The following INTS6 variants were observed in gnomAD, a reference collection of about 807,000 sequenced individuals.
INTS6 encodes the protein integrator complex subunit 6.
In INTS6, 16 loss-of-function variants were observed where a neutral mutation model predicts 104.9. The ratio of observed to expected loss-of-function variants is 0.15; its 90% confidence interval spans 0.10 to 0.23. The LOEUF (loss-of-function observed/expected upper bound fraction) is 0.23. Among genes scored for constraint, INTS6 ranks in the 10% least tolerant of loss-of-function variants. The pLI is 1.00. For missense variants in INTS6, 584 were observed against 1,062.8 expected (o/e 0.55, Z 6.26); for synonymous variants, 324 against 358.7 (o/e 0.90, Z 1.09).
chr13:51,395,915 A>G (rs1283697316), intron 4 of INTS6, among the ~76,000 whole-genome samples: 3 of 152,114 alleles, frequency 2.0e-5, no homozygotes, highest in African/African-American at 7.2e-5. Flanking sequence ...CTCCTGCCTC[A>G]GCCTCCCGAG....
At chr13:51,351,007 T>C (rs1011382096), downstream of INTS6, among the ~76,000 whole-genome samples, 2 of 152,200 alleles carry the variant, frequency 1.3e-5, no homozygotes, top group African/African-American at 2.4e-5. Flanking sequence ...TAATATTCCA[T>C]TGTATTGATA....
chr13:51,345,924 C>T, the INTS6 span, among the ~76,000 whole-genome samples: 4 of 152,158 alleles, frequency 2.6e-5, no homozygotes, highest in Non-Finnish European at 4.4e-5. Context: ...GGGTTCAAAT[C>T]CAAGCTTTCC....
intron 15 of INTS6, among the ~76,000 whole-genome samples, chr13:51,373,447 T>C (rs1165969796): frequency 6.6e-6 from 1 of 152,216 alleles, no homozygotes; most frequent in Non-Finnish European, 1.5e-5. Context: ...ACCATCATTT[T>C]AAGCCTTTCA....
At chr13:51,399,789 C>G (rs1461087937) in intron 4 of INTS6, among the ~76,000 whole-genome samples, 1 of 151,954 alleles carries the variant, frequency 6.6e-6, no homozygotes, top group African/African-American at 2.4e-5. Flanking sequence ...AGTGGAATAC[C>G]TTTTCATACG....
chr13:51,358,142 G>T (rs1055025575), downstream of INTS6, among the ~76,000 whole-genome samples: 3 of 152,010 alleles, frequency 2.0e-5, no homozygotes, highest in East Asian at 1.9e-4. Flanking sequence ...TCCCTCTCCT[G>T]GGCCGGGTGC....
rs1257222008 is a variant in INTS6, at chr13:51,430,283, G to A, written c.429+11C>T. The A allele has an allele frequency of 5.0e-6, 8 of 1,608,980 alleles. No homozygotes were observed. Among genetic ancestry groups the A allele is most frequent in the African/African-American group, 4.0e-5 (3 of 74,792 alleles). ...CATTTGCATAATCCATGTAATATAA[G>A]CACAACTTACCTCATCCTGGACTCC... On this transcript the variant is annotated intron_variant, in intron 4 of 17. Transcript: ENST00000311234.
chr13:51,342,178 C>CA, the INTS6 span, among the ~76,000 whole-genome samples: 12,939 of 63,644 alleles, frequency 0.2, 853 homozygotes, highest in Admixed American at 0.26. Context: ...AAAGACAGAA[C>CA]AAAAAAAAAA....
chr13:51,356,598 G>C (rs755242037), downstream of INTS6, among the ~76,000 whole-genome samples: 1 of 151,980 alleles, frequency 6.6e-6, no homozygotes, highest in African/African-American at 2.4e-5. Context: ...AACTCCTAAA[G>C]CTCTCCCTTT....
At chr13:51,413,721 G>C (rs1183258194) in intron 4 of INTS6, among the ~76,000 whole-genome samples, 7 of 152,078 alleles carry the variant, frequency 4.6e-5, no homozygotes, top group Non-Finnish European at 8.8e-5. Context: ...GCCTGAAAAT[G>C]ATGATTAACT....
chr13:51,433,423 G>A (rs1362717408), intron 3 of INTS6, among the ~76,000 whole-genome samples: 2 of 152,332 alleles, frequency 1.3e-5, no homozygotes, highest in East Asian at 3.9e-4. Flanking sequence ...ACTCCAGCCT[G>A]GGCGACAGAG....
In INTS6 at chr13:51,452,411, G is replaced by A; in HGVS notation, c.111+4C>T. On this transcript the variant is annotated splice_donor_region_variant and intron_variant, in intron 1 of 17. Transcript: ENST00000311234. The surrounding 1 kb of genome is among the most constrained non-coding windows in gnomAD (Gnocchi z 4.2). The stretch of plus-strand genomic sequence containing the variant: ...GTCGCCGCCCGGGCTCGGTCAGTCG[G>A]TACCTTCATGAAGGTCTCTACCGCG... 1 of 1,598,436 alleles carries A rather than the reference G, an allele frequency of 6.3e-7. No individual in the cohort carries two copies. The highest frequency in any genetic ancestry group is 1.4e-5 in the African/African-American group (1 of 73,594).
chr13:51,395,545 C>G, intron 4 of INTS6, 62 bp from the exon 5 acceptor site: 1 of 1,432,500 alleles, frequency 7.0e-7, no homozygotes, highest in South Asian at 1.4e-5. Context: ...AAAAAGCCTA[C>G]TTTAATTACA....
chr13:51,350,779 T>C (rs568956519), downstream of INTS6, among the ~76,000 whole-genome samples: 2 of 152,262 alleles, frequency 1.3e-5, no homozygotes, highest in South Asian at 4.1e-4. Context: ...CCATATCCAT[T>C]AGCAGTCACT....
At chr13:51,379,980 T>C (rs1392813496) in intron 10 of INTS6, among the ~76,000 whole-genome samples, 3 of 152,114 alleles carry the variant, frequency 2.0e-5, no homozygotes, top group African/African-American at 7.2e-5. Context: ...ACTAGTTATA[T>C]GATTCTAGAT....
At chr13:51,346,070 GAAT>G in the INTS6 span, among the ~76,000 whole-genome samples, 7 of 152,206 alleles carry the variant, frequency 4.6e-5, no homozygotes, top group African/African-American at 7.2e-5. Flanking sequence ...GTGAAATAGG[GAAT>G]AATAATAGAA....
chr13:51,344,397 G>A, the INTS6 span: 5 of 1,612,142 alleles, frequency 3.1e-6, no homozygotes, highest in Admixed American at 6.7e-5. Context: ...TCTCCTGGTG[G>A]GCTAACAGCA....
Position 51,363,793 on chromosome 13 carries a change from A to T in INTS6, c.*1959T>A, listed in dbSNP as rs959404543. ...GGATGAGGTGAGAACAGTGGCAGAG[A>T]GATAAAGGACAAAAAGAAGAGATGA... On this transcript the variant is annotated 3_prime_UTR_variant, in exon 18 of 18. Coordinates refer to ENST00000311234, the MANE Select transcript of INTS6 (RefSeq NM_012141.3). The T allele has an allele frequency of 6.6e-6, 1 of 152,528 alleles. No individual in the cohort carries two copies. Among genetic ancestry groups the T allele is most frequent in the Admixed American group, 6.6e-5 (1 of 15,224 alleles). 9.4% of individuals were successfully genotyped at this position (152,528 alleles called of 1,614,324 possible). A position where few individuals can be genotyped will look rare whatever the true frequency, so the allele number is the denominator to read the frequency against.
chr13:51,380,176 A>G (rs1956019030), intron 10 of INTS6, among the ~76,000 whole-genome samples: 1 of 152,160 alleles, frequency 6.6e-6, no homozygotes. Flanking sequence ...GCTGAGCTGA[A>G]AAAAAGCTCT....
Position 51,452,117 on chromosome 13 carries a change from C to T in INTS6, c.112-62G>A. The T allele has an allele frequency of 6.7e-7, 1 of 1,501,650 alleles. No individual in the cohort carries two copies. The highest frequency in any genetic ancestry group is 9.2e-7 in the Non-Finnish European group (1 of 1,089,698). 93.0% of individuals were successfully genotyped at this position (1,501,650 alleles called of 1,614,324 possible). On this transcript the variant is annotated intron_variant, in intron 1 of 17. Coordinates refer to ENST00000311234, the MANE Select transcript of INTS6 (RefSeq NM_012141.3). This position sits in a 1 kb window ranked among gnomAD's most constrained non-coding sequence, Gnocchi z 4.2. ...GAAGCACAGAGGCGAGGTTACGAGG[C>T]GGAGAAGGGGCGCCCAGCGGCCCCG...
Sources: allele counts gnomAD v4.1 joint callset (sites outside exome capture counted in the v4.1 genomes callset), GRCh38; gene constraint gnomAD v4.1.1; non-coding constraint Gnocchi (gnomAD v3.1); transcripts MANE v1.5; gene names NCBI Gene and HGNC (gene_info 2026-07-23, HGNC 2026-07-21).